AUTS2: variants seen among roughly 807,000 people sequenced by gnomAD.
AUTS2 encodes autism susceptibility gene 2 protein.
AUTS2 carries 17 observed loss-of-function variants against 112.4 expected under a neutral mutation model. The ratio of observed to expected loss-of-function variants is 0.15; its 90% CI spans 0.10 to 0.23. AUTS2 has a LOEUF of 0.23. Ranked by LOEUF, AUTS2 falls within the 10% of genes least tolerant of loss-of-function variation. AUTS2 has a pLI of 1.00. For missense variants in AUTS2, 1,510 were observed against 1,701.6 expected (o/e 0.89, Z 1.98); for synonymous variants, 751 against 702.7 (o/e 1.07, Z -1.09).
chr7:70,105,338 C>A (rs1277171243), intron 2 of AUTS2, among the ~76,000 whole-genome samples: 1 of 152,136 alleles, frequency 6.6e-6, no homozygotes, highest in African/African-American at 2.4e-5. Context: ...TAGCTCACTG[C>A]AGCCTCGAAC....
At chr7:70,730,211 C>T (rs1787294594) in intron 6 of AUTS2, among the ~76,000 whole-genome samples, 2 of 143,108 alleles carry the variant, frequency 1.4e-5, no homozygotes, top group Admixed American at 1.5e-4. Flanking sequence ...AGTAAAAGGA[C>T]AACCAGTTTT....
chr7:70,742,234 A>G (rs1043700968), intron 6 of AUTS2, among the ~76,000 whole-genome samples: 4 of 152,176 alleles, frequency 2.6e-5, no homozygotes, highest in African/African-American at 9.7e-5. Flanking sequence ...GCTAGGAGGA[A>G]TGAAAGTACA....
At chr7:70,633,263 C>A (rs1805362872) in intron 5 of AUTS2, among the ~76,000 whole-genome samples, 1 of 152,200 alleles carries the variant, frequency 6.6e-6, no homozygotes, top group African/African-American at 2.4e-5. Context: ...CACAGCACAG[C>A]TCACTCACCC....
intron 6 of AUTS2, among the ~76,000 whole-genome samples, chr7:70,760,364 A>C (rs1340476040): frequency 6.6e-6 from 1 of 152,236 alleles, no homozygotes; most frequent in African/African-American, 2.4e-5. Flanking sequence ...ATCCTGAATT[A>C]GCTGTCAGTG....
chr7:69,605,638 C>T (rs1272539214), intron 1 of AUTS2, among the ~76,000 whole-genome samples: 2 of 152,200 alleles, frequency 1.3e-5, no homozygotes, highest in Non-Finnish European at 2.9e-5. Flanking sequence ...CTGCCTTTGG[C>T]TTGCTGTATA....
intron 5 of AUTS2, among the ~76,000 whole-genome samples, chr7:70,530,962 G>C (rs983716810): frequency 6.6e-6 from 1 of 152,162 alleles, no homozygotes; most frequent in Admixed American, 6.5e-5. Context: ...GGCAAAAGGG[G>C]AAGTCAATGG....
At chr7:69,607,706 C>T (rs1210023206) in intron 1 of AUTS2, among the ~76,000 whole-genome samples, 2 of 152,080 alleles carry the variant, frequency 1.3e-5, no homozygotes, top group Admixed American at 6.5e-5. Context: ...GGTGCCATAC[C>T]CCCTTGTTAC....
At chr7:69,816,143 AT>A (rs1394476447) in intron 1 of AUTS2, among the ~76,000 whole-genome samples, 1 of 152,190 alleles carries the variant, frequency 6.6e-6, no homozygotes, top group Non-Finnish European at 1.5e-5. Context: ...TGAGTTTCTG[AT>A]TAAAGCTGTT....
chr7:70,338,433 A>G (rs772311333), intron 4 of AUTS2, among the ~76,000 whole-genome samples: 9 of 152,194 alleles, frequency 5.9e-5, no homozygotes, highest in Non-Finnish European at 8.8e-5. Flanking sequence ...TCTTTTAGGA[A>G]AATTTCACAA....
intron 1 of AUTS2, among the ~76,000 whole-genome samples, chr7:69,679,961 T>C (rs542849520): frequency 3.3e-5 from 5 of 152,374 alleles, no homozygotes; most frequent in African/African-American, 7.2e-5. Context: ...AAAAAACTTA[T>C]AAGAATTACC....
chr7:69,993,202 C>A (rs1798808986), intron 2 of AUTS2, among the ~76,000 whole-genome samples: 1 of 152,136 alleles, frequency 6.6e-6, no homozygotes, highest in Non-Finnish European at 1.5e-5. Flanking sequence ...GTTTCTGTGT[C>A]CAACAACAAT....
intron 2 of AUTS2, among the ~76,000 whole-genome samples, chr7:70,073,279 G>C (rs1366334326): frequency 6.6e-6 from 1 of 151,792 alleles, no homozygotes; most frequent in Non-Finnish European, 1.5e-5. Flanking sequence ...GGGAAGCCGA[G>C]GTGGGCAGAT....
intron 1 of AUTS2, among the ~76,000 whole-genome samples, chr7:69,690,276 T>C (rs1372882422): frequency 6.6e-6 from 1 of 152,224 alleles, no homozygotes; most frequent in Non-Finnish European, 1.5e-5. Context: ...GTTGGTGTTC[T>C]AGGATAGAAG....
intron 4 of AUTS2, among the ~76,000 whole-genome samples, chr7:70,316,607 C>G (rs937017517): frequency 1.3e-5 from 2 of 151,874 alleles, no homozygotes; most frequent in Non-Finnish European, 2.9e-5. Context: ...CTGTGTTGGC[C>G]AGGCTGGTCT....
At chr7:70,759,118 A>G (rs915767162) in intron 6 of AUTS2, among the ~76,000 whole-genome samples, 1 of 152,192 alleles carries the variant, frequency 6.6e-6, no homozygotes, top group African/African-American at 2.4e-5. Context: ...AGTCTGATGT[A>G]CTTAAATATT....
At chr7:69,822,026 A>C (rs1562906574) in intron 1 of AUTS2, among the ~76,000 whole-genome samples, 1 of 152,086 alleles carries the variant, frequency 6.6e-6, no homozygotes, top group South Asian at 2.1e-4. Flanking sequence ...AGTTGTAATC[A>C]TGAATCTAAT....
chr7:70,479,938 A>T (rs909050148), intron 5 of AUTS2, among the ~76,000 whole-genome samples: 1 of 152,168 alleles, frequency 6.6e-6, no homozygotes, highest in East Asian at 1.9e-4. Context: ...AATAGCTTAC[A>T]TTTTTTTAGG....
chr7:69,729,763 G>C (rs1025019065), intron 1 of AUTS2, among the ~76,000 whole-genome samples: 2 of 151,968 alleles, frequency 1.3e-5, no homozygotes, highest in African/African-American at 4.8e-5. Context: ...AGTTTACACT[G>C]TATATGATCC....
At chr7:70,270,627 G>T (rs183109716) in intron 4 of AUTS2, among the ~76,000 whole-genome samples, 1 of 152,272 alleles carries the variant, frequency 6.6e-6, no homozygotes, top group Non-Finnish European at 1.5e-5. Context: ...CTAACTCATT[G>T]CAATGGCTCT....
Sources: gnomAD v4.1 joint callset for allele counts (sites outside exome capture counted in the v4.1 genomes callset) on GRCh38, gnomAD v4.1.1 for gene constraint, MANE v1.5 for transcripts, NCBI Gene and HGNC (gene_info 2026-07-23, HGNC 2026-07-21) for gene names.